CDH12: variants seen among roughly 807,000 people sequenced by gnomAD.
CDH12 encodes cadherin-12.
Under a neutral mutation model 74.1 loss-of-function variants are expected in CDH12, and 41 were observed. That is an observed-to-expected ratio of 0.55 (90% confidence interval 0.43 to 0.72). The LOEUF is 0.72. Ranked by LOEUF, CDH12 falls within the 30% of genes least tolerant of loss-of-function variation. CDH12 has a pLI of 0.00. For synonymous variants in CDH12, 399 were observed against 355.0 expected (o/e 1.12, Z -1.39); for missense variants, 945 against 977.2 (o/e 0.97, Z 0.44).
At chr5:22,225,614 C>T (rs931001230) in intron 3 of CDH12, among the ~76,000 whole-genome samples, 2 of 152,012 alleles carry the variant, frequency 1.3e-5, no homozygotes, top group African/African-American at 4.8e-5. Flanking sequence ...TATTTTTACT[C>T]TTCTAAATTA....
intron 1 of CDH12, among the ~76,000 whole-genome samples, chr5:22,620,347 A>G (rs1737910045): frequency 6.6e-6 from 1 of 151,994 alleles, no homozygotes; most frequent in Non-Finnish European, 1.5e-5. Context: ...AAATAAAGAG[A>G]GTTGGTGTAT....
chr5:22,808,443 T>C (rs1233167974), intron 1 of CDH12, among the ~76,000 whole-genome samples: 6 of 152,036 alleles, frequency 3.9e-5, no homozygotes, highest in African/African-American at 1.2e-4. Flanking sequence ...GATGAAAAAA[T>C]AGTCAAATGA....
intron 6 of CDH12, among the ~76,000 whole-genome samples, chr5:21,936,104 T>C (rs1263150884): frequency 1.3e-5 from 2 of 152,220 alleles, no homozygotes; most frequent in South Asian, 2.1e-4. Flanking sequence ...TTTGGTTATA[T>C]ACCCAGGAGT....
At chr5:22,624,995 T>C (rs1045523483) in intron 1 of CDH12, among the ~76,000 whole-genome samples, 2 of 151,934 alleles carry the variant, frequency 1.3e-5, no homozygotes, top group Admixed American at 1.3e-4. Context: ...AAAGGGTGAG[T>C]TCATGTCCTT....
At chr5:22,755,142 T>C (rs1299330125) in intron 1 of CDH12, among the ~76,000 whole-genome samples, 4 of 152,232 alleles carry the variant, frequency 2.6e-5, no homozygotes, top group Admixed American at 6.5e-5. Context: ...AAATTGGTTT[T>C]ATCTATTCCA....
intron 3 of CDH12, among the ~76,000 whole-genome samples, chr5:22,227,530 T>C (rs910552885): frequency 1.3e-5 from 2 of 152,106 alleles, no homozygotes; most frequent in African/African-American, 2.4e-5. Context: ...AGTGGGAACT[T>C]TGAAGAGCTG....
chr5:22,239,855 C>A (rs1036370541), intron 3 of CDH12, among the ~76,000 whole-genome samples: 37 of 152,176 alleles, frequency 2.4e-4, no homozygotes, highest in African/African-American at 8.4e-4. Flanking sequence ...TTTTATTAAC[C>A]TTTTTATTTC....
intron 4 of CDH12, among the ~76,000 whole-genome samples, chr5:22,132,073 A>C (rs973362405): frequency 6.6e-6 from 1 of 152,006 alleles, no homozygotes; most frequent in Non-Finnish European, 1.5e-5. Flanking sequence ...TTATACTACT[A>C]TTTCAATCTC....
chr5:21,969,696 A>C (rs985672768), intron 6 of CDH12, among the ~76,000 whole-genome samples: 1 of 152,226 alleles, frequency 6.6e-6, no homozygotes, highest in African/African-American at 2.4e-5. Context: ...TTCCTATGAG[A>C]AACTTAAGTA....
chr5:22,679,805 A>G (rs1263263983), intron 1 of CDH12, among the ~76,000 whole-genome samples: 1 of 152,136 alleles, frequency 6.6e-6, no homozygotes, highest in East Asian at 1.9e-4. Context: ...CCAGAGGTAA[A>G]ATTATGAAGA....
At chr5:22,101,516 T>A (rs1744136869) in intron 4 of CDH12, among the ~76,000 whole-genome samples, 1 of 152,138 alleles carries the variant, frequency 6.6e-6, no homozygotes, top group Non-Finnish European at 1.5e-5. Flanking sequence ...AAATGGAAAG[T>A]GTATTGCTTC....
At chr5:22,410,267 C>T (rs758986167) in intron 2 of CDH12, among the ~76,000 whole-genome samples, 1 of 152,004 alleles carries the variant, frequency 6.6e-6, no homozygotes, top group African/African-American at 2.4e-5. Context: ...AATCCGTTTT[C>T]CCCAGAGCCA....
chr5:22,281,811 T>C (rs536778186), intron 3 of CDH12, among the ~76,000 whole-genome samples: 2 of 152,292 alleles, frequency 1.3e-5, no homozygotes, highest in East Asian at 3.9e-4. Context: ...AAGGAATTTA[T>C]AGATTCAATG....
At chr5:22,232,508 G>A (rs1327035674) in intron 3 of CDH12, among the ~76,000 whole-genome samples, 2 of 151,694 alleles carry the variant, frequency 1.3e-5, no homozygotes, top group South Asian at 2.1e-4. Flanking sequence ...ATCTAGCAAC[G>A]ATCTTTGGGA....
chr5:22,192,991 A>C (rs1750396195), intron 4 of CDH12, among the ~76,000 whole-genome samples: 1 of 152,188 alleles, frequency 6.6e-6, no homozygotes, highest in African/African-American at 2.4e-5. Context: ...GAAGTCGGAA[A>C]AAAACTGAGA....
chr5:22,158,639 A>T (rs180992391), intron 4 of CDH12, among the ~76,000 whole-genome samples: 55 of 152,190 alleles, frequency 3.6e-4, no homozygotes, highest in Admixed American at 2.9e-3. Flanking sequence ...GCTGCACTAT[A>T]CTTGGTGGCT....
intron 10 of CDH12, among the ~76,000 whole-genome samples, chr5:21,786,444 A>T (rs1362883146): frequency 6.6e-6 from 1 of 151,498 alleles, no homozygotes; most frequent in Non-Finnish European, 1.5e-5. Context: ...GAGCCACCAC[A>T]CCCAGCTGGT....
intron 1 of CDH12, among the ~76,000 whole-genome samples, chr5:22,642,865 G>T (rs755494810): frequency 6.6e-6 from 1 of 151,922 alleles, no homozygotes; most frequent in African/African-American, 2.4e-5. Flanking sequence ...ATGGTTACAC[G>T]CAATTCAATT....
intron 5 of CDH12, among the ~76,000 whole-genome samples, chr5:22,025,313 T>G (rs1015014596): frequency 6.6e-6 from 1 of 152,130 alleles, no homozygotes; most frequent in Non-Finnish European, 1.5e-5. Flanking sequence ...TTACACCCAG[T>G]GTAATAAAGG....
Sources: gnomAD v4.1 joint callset for allele counts (sites outside exome capture counted in the v4.1 genomes callset) on GRCh38, gnomAD v4.1.1 for gene constraint, MANE v1.5 for transcripts, NCBI Gene and HGNC (gene_info 2026-07-23, HGNC 2026-07-21) for gene names.